The following MUC6 variants were observed in gnomAD, a reference collection of about 807,000 sequenced individuals.
The protein encoded by MUC6 is mucin 6, oligomeric mucus/gel-forming (gene/pseudogene).
Under a neutral mutation model 201.5 loss-of-function variants are expected in MUC6, and 188 were observed. The ratio of observed to expected loss-of-function variants is 0.93; its 90% confidence interval spans 0.83 to 1.05. The LOEUF (loss-of-function observed/expected upper bound fraction) is 1.05, where lower values mean the gene tolerates loss of function less well. MUC6 is among the 50% of genes least tolerant of loss of function. MUC6 has a pLI of 0.00. For missense variants in MUC6, 2,706 were observed against 3,256.9 expected (o/e 0.83, Z 4.12); for synonymous variants, 1,228 against 1,389.4 (o/e 0.88, Z 2.58).
chr11:1,021,401 C>T (rs1230637471), intron 26 of MUC6, 124 bp from the exon 27 acceptor site: 20 of 537,750 alleles, frequency 3.7e-5, no homozygotes, highest in South Asian at 1.1e-4. Flanking sequence ...GACAGAGTCT[C>T]GCTCTGTCGC....
chr11:1,031,373 C>T, intron 4 of MUC6, 114 bp from the exon 5 acceptor site: 1 of 1,185,102 alleles, frequency 8.4e-7, no homozygotes, highest in Non-Finnish European at 1.2e-6. Context: ...CCCACCTGCT[C>T]ATCTGCCTCT....
At position 1,031,687 on chromosome 11, in the gene MUC6, A is replaced by G. The variant is rs1474857306; in HGVS notation, c.403T>C (p.Phe135Leu). ...YTSNGLQITP[F>L]GQSVRLVAKQ... is the part of the protein sequence containing the mutation. ...GCCACCAGCCGCACGCTCTGGCCGAAGGGTGTGATCTGGAGTCCATTGCTG... is the reference window on the plus strand; with the variant it reads ...GCCACCAGCCGCACGCTCTGGCCGAGGGGTGTGATCTGGAGTCCATTGCTG... Residue 135 changes from phenylalanine (F) to leucine (L), a missense_variant, in exon 4 of 33, where the codon TTC becomes CTC. This residue lies in a region of MUC6 where 1,850 missense variants were observed against 1,958.3 expected (regional missense o/e 0.94). Transcript: ENST00000421673. The G allele has an allele frequency of 5.2e-6, 8 of 1,550,940 alleles. No homozygotes were observed. The East Asian group carries it at 2.0e-4, about 38-fold the overall frequency.
chr11:1,028,522 C>T (rs1857021331), intron 13 of MUC6, 124 bp downstream of exon 13: 2 of 1,533,228 alleles, frequency 1.3e-6, no homozygotes, highest in South Asian at 1.2e-5. Context: ...GTGCCTGTTA[C>T]CCCTGGGGGC....
At chr11:1,032,128 G>A in intron 2 of MUC6, 75 bp from the exon 3 acceptor site, 1 of 1,562,242 alleles carries the variant, frequency 6.4e-7, no homozygotes, top group Non-Finnish European at 8.7e-7. Context: ...CAGGCAGAGA[G>A]GTCACTCGTC....
chr11:1,029,748 G>A lies in MUC6; in HGVS notation c.1016-133C>T, dbSNP rs148119622. The A allele has an allele frequency of 8.8e-5, 108 of 1,224,422 alleles. No homozygotes were observed. The African/African-American group carries it at 1.3e-3, about 15-fold the overall frequency. 75.8% of individuals were successfully genotyped at this position (1,224,422 alleles called of 1,614,324 possible). ...CCCTCCAGCCTGGCTCCAGGGAGAC[G>A]CCCCTCCAGCCTGGCTCCAGGGAGA... On this transcript the variant is annotated intron_variant, in intron 8 of 32. Transcript: ENST00000421673.
rs1036231896 is a variant in MUC6 at position 1,026,204 on chromosome 11, C to T, written c.2547-63G>A. 7 of 1,544,492 alleles carry T rather than the reference C, an allele frequency of 4.5e-6. No homozygotes were observed. The African/African-American group carries it at 8.2e-5, about 18-fold the overall frequency. On this transcript the variant is annotated intron_variant, in intron 20 of 32. Coordinates refer to ENST00000421673, the MANE Select transcript of MUC6 (RefSeq NM_005961.3). ...CCTCCTGCCATACTGGGTGTGGTCC[C>T]TGGAGAGGCCAGACTGCACCTCTGG...
At position 1,033,555 on chromosome 11, in the gene MUC6, C is replaced by G. The variant is rs939101109; in HGVS notation, c.53-480G>C. Among the ~76,000 whole-genome samples the G allele has an allele frequency of 6.6e-6, 1 of 150,648 alleles. No individual in the cohort carries two copies. The highest frequency in any genetic ancestry group is 1.5e-5 in the Non-Finnish European group (1 of 67,484). On this transcript the variant is annotated intron_variant, in intron 1 of 32. Coordinates refer to ENST00000421673, the MANE Select transcript of MUC6 (RefSeq NM_005961.3). This position sits in a 1 kb window ranked among gnomAD's most constrained non-coding sequence, Gnocchi z 5.6. ...CCCTGCTCTCGGTGGCTCCGGGGCT[C>G]TAAACATGGCCGCTTTCCTGCACGT...
At position 1,029,475 on chromosome 11, in the gene MUC6, C is replaced by T. The variant is rs747454120; in HGVS notation, c.1136+20G>A. The T allele has an allele frequency of 2.5e-5, 40 of 1,610,876 alleles. No individual in the cohort carries two copies. Among genetic ancestry groups the T allele is most frequent in the Middle Eastern group, 1.6e-4 (1 of 6,070 alleles). ...GAACCCCTGCCGGCCGGCCAGAGCC[C>T]CCTCCGGCGCCTCACTCACCAGGTT... On this transcript the variant is annotated intron_variant, in intron 9 of 32. Transcript: ENST00000421673.
At chr11:1,034,472 A>G (rs1215868395) in intron 1 of MUC6, among the ~76,000 whole-genome samples, 1 of 152,058 alleles carries the variant, frequency 6.6e-6, no homozygotes, top group Non-Finnish European at 1.5e-5. Flanking sequence ...GGGATGATCC[A>G]CAGGGCTCAG....
chr11:1,020,326 G>A, intron 28 of MUC6, 69 bp from the exon 29 acceptor site: 1 of 1,520,646 alleles, frequency 6.6e-7, no homozygotes, highest in Non-Finnish European at 8.8e-7. Context: ...CCTCCCCTCT[G>A]CCTGCTTGGC....
chr11:1,032,513 ATGTG>A (rs781699590), intron 2 of MUC6, among the ~76,000 whole-genome samples: 4 of 141,220 alleles, frequency 2.8e-5, no homozygotes, highest in South Asian at 4.6e-4. Flanking sequence ...CGGGGTGTGT[ATGTG>A]TGTGTTGGGT....
rs760884152 is a variant in MUC6, at chr11:1,016,360, G to A, written c.6441C>T (p.Ser2147=). The A allele has an allele frequency of 1.7e-5, 28 of 1,611,814 alleles. No individual in the cohort carries two copies. The highest frequency in any genetic ancestry group is 2.4e-5 in the Non-Finnish European group (28 of 1,178,966). ...APSTVSSYVP[S]SHSSPQTSSP... ...ATGAAGTCTGGGGAGAGGAGTGGGA[G>A]GAGGGCACATAAGAAGAAACAGTAG... is the stretch of plus-strand genomic sequence containing the variant. Residue 2147 remains serine (S), a synonymous_variant, in exon 31 of 33, where the codon TCC becomes TCT. Coordinates refer to ENST00000421673, the MANE Select transcript of MUC6 (RefSeq NM_005961.3).
intron 30 of MUC6, 114 bp downstream of exon 30, chr11:1,019,161 C>G: frequency 8.0e-7 from 1 of 1,250,694 alleles, no homozygotes; most frequent in South Asian, 1.4e-5. Flanking sequence ...GCTGCCTTCT[C>G]GCTTGCCCTC....
rs1453182750 is a variant in MUC6, at chr11:1,016,473, G to T, written c.6328C>A (p.Gln2110Lys). The T allele has an allele frequency of 3.7e-6, 6 of 1,613,580 alleles. No homozygotes were observed. Among genetic ancestry groups the T allele is most frequent in the Non-Finnish European group, 5.1e-6 (6 of 1,179,814 alleles). Reference sequence around the variant, plus strand: ...GTTGCAGAACTCAAGTGGGGGAGTTGTGTGGTGATAGGTGATGACGGTGGC... The same window carrying T: ...GTTGCAGAACTCAAGTGGGGGAGTTTTGTGGTGATAGGTGATGACGGTGGC... Reference protein sequence around the residue: ...SRPPSSPITTQLPHLSSATTP... With the variant: ...SRPPSSPITTKLPHLSSATTP... Residue 2110 changes from glutamine (Q) to lysine (K), a missense_variant, in exon 31 of 33, where the codon CAA (glutamine) becomes AAA (lysine). By Grantham distance (53) the Gln-to-Lys change is moderately conservative. This residue lies in a region of MUC6 where 586 missense variants were observed against 488.0 expected (regional missense o/e 1.20). Transcript: ENST00000421673.
chr11:1,013,034 C>G lies in MUC6; in HGVS notation c.*422G>C, dbSNP rs536410205. ...TGGTGGCTGCCTGGGCCTCTTGCCC[C>G]CATCTCGGCACAGGTTTCCGTGCCC... On this transcript the variant is annotated 3_prime_UTR_variant, in exon 33 of 33. Transcript: ENST00000421673. 5.5e-6 allele frequency: 1 copy of G among 180,576 alleles called. No individual in the cohort carries two copies. Among genetic ancestry groups the G allele is most frequent in the East Asian group, 1.6e-4 (1 of 6,366 alleles). 11.2% of individuals were successfully genotyped at this position (180,576 alleles called of 1,614,324 possible). A position where few individuals can be genotyped will look rare whatever the true frequency, so the allele number is the denominator to read the frequency against.
chr11:1,018,619 A>C lies in MUC6; in HGVS notation c.4182T>G (p.Thr1394=). ...GGGTTTGGGGCGTTGTGTATTCAGT[A>C]GTCGTTCTTGTTTGAGTGGTCTCTG... is the stretch of plus-strand genomic sequence containing the variant. ...TATETTQTRT[T]TEYTTPQTPH... is the part of the protein sequence containing the mutation. The change falls in exon 31 of 33, where the codon ACT becomes ACG. Residue 1394 remains threonine, a synonymous_variant. Coordinates refer to ENST00000421673, the MANE Select transcript of MUC6 (RefSeq NM_005961.3). The C allele has an allele frequency of 6.2e-7, 1 of 1,612,538 alleles. No homozygotes were observed. Among genetic ancestry groups the C allele is most frequent in the South Asian group, 1.1e-5 (1 of 90,990 alleles).
Position 1,035,241 on chromosome 11 carries a change from C to T in MUC6, c.52+1363G>A, listed in dbSNP as rs150509551. On this transcript the variant is annotated intron_variant, in intron 1 of 32. Coordinates refer to ENST00000421673, the MANE Select transcript of MUC6 (RefSeq NM_005961.3). Reference sequence around the variant, plus strand: ...GTGACGGGTGGACACCCCCACTTGGCCCTCCACCCTCTGCACTGCCCACAG... The same window carrying T: ...GTGACGGGTGGACACCCCCACTTGGTCCTCCACCCTCTGCACTGCCCACAG... Among the ~76,000 whole-genome samples the T allele has an allele frequency of 1.2e-3, 184 of 152,346 alleles. 2 individuals are homozygous for T. In the East Asian group the frequency reaches 0.028, roughly 23 times the overall value.
rs756257302 is a variant in MUC6, at chr11:1,028,275, C to G, written c.1704G>C (p.Pro568=). The G allele has an allele frequency of 3.2e-5, 51 of 1,602,742 alleles. 1 individual carries two copies. The African/African-American group carries it at 5.8e-4, about 18-fold the overall frequency. The part of the protein sequence containing the change: ...FVDSWRAGNC[P]AALERETDPC... Reference sequence around the variant, plus strand: ...GGTCAGTCTCACGCTCCAGAGCGGCCGGACAGTTCCCCGCCCGCCAGGAGT... The same window carrying G: ...GGTCAGTCTCACGCTCCAGAGCGGCGGGACAGTTCCCCGCCCGCCAGGAGT... The change falls in exon 14 of 33, where the codon CCG becomes CCC. Residue 568 remains proline, a synonymous_variant. Coordinates refer to ENST00000421673, the MANE Select transcript of MUC6 (RefSeq NM_005961.3).
chr11:1,024,787 G>T, intron 24 of MUC6, 57 bp downstream of exon 24: 1 of 991,298 alleles, frequency 1.0e-6, no homozygotes. Context: ...CCCTTCCCCC[G>T]CCCCCACCGG....
Sources: allele counts gnomAD v4.1 joint callset (sites outside exome capture counted in the v4.1 genomes callset), GRCh38; gene constraint gnomAD v4.1.1; regional missense constraint gnomAD v4.1.1; non-coding constraint Gnocchi (gnomAD v3.1); transcripts MANE v1.5; gene names NCBI Gene and HGNC (gene_info 2026-07-23, HGNC 2026-07-21).